LRRC7: variants seen among roughly 807,000 people sequenced by gnomAD.
LRRC7 encodes leucine-rich repeat-containing protein 7.
In LRRC7, 23 loss-of-function variants were observed where a neutral mutation model predicts 175.7. The observed-to-expected ratio is 0.13, with a 90% CI of 0.09 to 0.19. LRRC7 has a LOEUF of 0.19. LRRC7 is among the 10% of genes least tolerant of loss of function. The pLI, the probability that LRRC7 is intolerant of heterozygous loss-of-function variation, is 1.00. For missense variants in LRRC7, 1,354 were observed against 1,904.7 expected (o/e 0.71, Z 5.38); for synonymous variants, 685 against 680.9 (o/e 1.01, Z -0.09).
intron 1 of LRRC7, among the ~76,000 whole-genome samples, chr1:69,626,141 TG>T (rs1429365439): frequency 6.6e-6 from 1 of 152,076 alleles, no homozygotes; most frequent in Non-Finnish European, 1.5e-5. Flanking sequence ...CAGTCCATCT[TG>T]GGACCCGTTA....
At chr1:69,755,556 A>G (rs544356018) in intron 2 of LRRC7, among the ~76,000 whole-genome samples, 1 of 151,574 alleles carries the variant, frequency 6.6e-6, no homozygotes, top group African/African-American at 2.4e-5. Flanking sequence ...GTGTGTACAT[A>G]TATACATACA....
At chr1:70,006,283 A>G (rs1456837195) in intron 11 of LRRC7, among the ~76,000 whole-genome samples, 1 of 152,026 alleles carries the variant, frequency 6.6e-6, no homozygotes, top group Non-Finnish European at 1.5e-5. Flanking sequence ...TTTTTAATAC[A>G]GGAAGTCCTT....
rs79013444 is a variant in LRRC7 at position 70,084,655 on chromosome 1, T to A, written c.4453-5072T>A. On this transcript the variant is annotated intron_variant, in intron 24 of 26. Transcript: ENST00000651989. ...GTGTGGAGATATATGTTTTCATTTT[T>A]CTTGGGTAGATACATAGAGATGAAA... 8.1e-3 allele frequency among the ~76,000 whole-genome samples: 1,233 copies of A among 152,310 alleles called. 18 individuals are homozygous for A. Among genetic ancestry groups the A allele is most frequent in the African/African-American group, 0.028 (1,176 of 41,578 alleles).
At chr1:69,890,639 T>A (rs541169564) in intron 7 of LRRC7, among the ~76,000 whole-genome samples, 1 of 152,330 alleles carries the variant, frequency 6.6e-6, no homozygotes, top group African/African-American at 2.4e-5. Flanking sequence ...TATTTCCTCT[T>A]TAGCTTTGAA....
chr1:69,923,027 C>T (rs1202076684), intron 7 of LRRC7, among the ~76,000 whole-genome samples: 3 of 151,956 alleles, frequency 2.0e-5, no homozygotes, highest in Non-Finnish European at 2.9e-5. Context: ...TCCATGTGCT[C>T]TCATTGTTCA....
chr1:69,789,367 C>T (rs1674852707), intron 3 of LRRC7, among the ~76,000 whole-genome samples: 1 of 1,822 alleles, frequency 5.5e-4, no homozygotes, highest in African/African-American at 6.0e-4. Context: ...ATTGAGTTTA[C>T]CATGTGACCA....
intron 3 of LRRC7, among the ~76,000 whole-genome samples, chr1:69,760,635 G>C (rs894656379): frequency 6.6e-6 from 1 of 151,728 alleles, no homozygotes; most frequent in Non-Finnish European, 1.5e-5. Context: ...ATTATGCCTC[G>C]TTATCTTCAT....
rs147902010 is a variant in LRRC7 at position 69,651,367 on chromosome 1, C to T, written c.3-27014C>T. 2.7e-3 allele frequency among the ~76,000 whole-genome samples: 411 copies of T among 152,266 alleles called. 3 individuals are homozygous for T. Among genetic ancestry groups the T allele is most frequent in the African/African-American group, 9.5e-3 (396 of 41,548 alleles). On this transcript the variant is annotated intron_variant, in intron 1 of 26. Coordinates refer to ENST00000651989, the MANE Select transcript of LRRC7 (RefSeq NM_001370785.2). The stretch of plus-strand genomic sequence containing the variant: ...TATAGTTGAGAGCAAAATTACGCAT[C>T]CTTTGGGACATAATGGACCTTTGCA...
chr1:70,037,595 C>G (rs1027297714), intron 20 of LRRC7, among the ~76,000 whole-genome samples: 6 of 152,108 alleles, frequency 3.9e-5, no homozygotes, highest in African/African-American at 1.2e-4. Flanking sequence ...TCAGATACAC[C>G]AAGCATTTGT....
In LRRC7 at chr1:70,124,198, C is replaced by A. The variant is rs1666341327; in HGVS notation, c.*2311C>A. On this transcript the variant is annotated 3_prime_UTR_variant, in exon 27 of 27. Transcript: ENST00000651989. ...AAGCACCTCACTGTCAATAGTACTG[C>A]CATGTTGCATACTGAGAACAGGCAG... 6.6e-6 allele frequency among the ~76,000 whole-genome samples: 1 copy of A among 152,168 alleles called. No homozygotes were observed. The highest frequency in any genetic ancestry group is 2.4e-5 in the African/African-American group (1 of 41,434).
chr1:70,080,503 C>T (rs1663126863), intron 24 of LRRC7, among the ~76,000 whole-genome samples: 1 of 152,162 alleles, frequency 6.6e-6, no homozygotes, highest in African/African-American at 2.4e-5. Context: ...TATTCAAGAA[C>T]TCTAGAAACC....
chr1:70,018,551 A>C (rs932601327), intron 14 of LRRC7, among the ~76,000 whole-genome samples, 168 bp from the exon 15 acceptor site: 1 of 152,112 alleles, frequency 6.6e-6, no homozygotes, highest in African/African-American at 2.4e-5. Flanking sequence ...AAAATCTTAG[A>C]ATATGAAAAT....
chr1:69,574,365 C>A lies in LRRC7; in HGVS notation c.2+5724C>A, dbSNP rs1023092961. 3.9e-5 allele frequency among the ~76,000 whole-genome samples: 6 copies of A among 151,990 alleles called. No individual in the cohort carries two copies. The East Asian group carries it at 1.2e-3, about 29-fold the overall frequency. The stretch of plus-strand genomic sequence containing the variant: ...AAACAATTGGAAAAGAGCTGCTAGA[C>A]AAGTCACTGAGAAACTACAGGATTT... On this transcript the variant is annotated intron_variant, in intron 1 of 26. Transcript: ENST00000651989.
At chr1:69,941,426 G>A (rs1221830965) in intron 8 of LRRC7, among the ~76,000 whole-genome samples, 1 of 151,922 alleles carries the variant, frequency 6.6e-6, no homozygotes, top group African/African-American at 2.4e-5. Context: ...GTAGAGTCAG[G>A]GAAAACAGTT....
chr1:70,001,778 C>CTA (rs1415040582), intron 11 of LRRC7, among the ~76,000 whole-genome samples: 7 of 152,152 alleles, frequency 4.6e-5, no homozygotes, highest in African/African-American at 1.2e-4. Flanking sequence ...GTTTCAGCAG[C>CTA]TCTAAGAGTT....
chr1:69,723,772 C>A (rs1483145574), intron 2 of LRRC7, among the ~76,000 whole-genome samples: 1 of 152,030 alleles, frequency 6.6e-6, no homozygotes, highest in Admixed American at 6.6e-5. Context: ...CTAATGAGGT[C>A]CCCTTCTTCA....
chr1:69,865,419 A>AACTAAGGC (rs1684807970), intron 7 of LRRC7, among the ~76,000 whole-genome samples: 1 of 150,098 alleles, frequency 6.7e-6, no homozygotes, highest in Non-Finnish European at 1.5e-5. Context: ...ACAGCTAAGG[A>AACTAAGGC]ACTAAGGCCC....
At chr1:70,070,446 A>G (rs1332562058) in intron 23 of LRRC7, among the ~76,000 whole-genome samples, 1 of 152,100 alleles carries the variant, frequency 6.6e-6, no homozygotes, top group East Asian at 1.9e-4. Context: ...ATGAGCATCT[A>G]TTGATTGTCT....
chr1:69,795,912 G>T (rs12044281), intron 4 of LRRC7, among the ~76,000 whole-genome samples: 40,398 of 149,346 alleles, frequency 0.27, 5,991 homozygotes, highest in East Asian at 0.59. Context: ...TTTTTTTTGG[G>T]TTTTTTTTTG....
Sources: allele counts gnomAD v4.1 joint callset (sites outside exome capture counted in the v4.1 genomes callset), GRCh38; gene constraint gnomAD v4.1.1; transcripts MANE v1.5; gene names NCBI Gene and HGNC (gene_info 2026-07-23, HGNC 2026-07-21).